Variants in CADM2 observed in about 807,000 individuals in gnomAD.
CADM2 encodes immunoglobulin superfamily member 4D.
CADM2 carries 12 observed loss-of-function variants against 49.8 expected under a neutral mutation model. The ratio of observed to expected loss-of-function variants is 0.24; its 90% CI spans 0.15 to 0.39. CADM2 has a LOEUF of 0.39. CADM2 is among the 10% of genes least tolerant of loss of function. The pLI is 1.00. For synonymous variants in CADM2, 214 were observed against 175.4 expected, an observed-to-expected ratio of 1.22 and a Z score of -1.74; for missense variants, 378 against 492.3, an observed-to-expected ratio of 0.77 and a Z score of 2.20.
chr3:85,883,175 GA>G (rs1265696202), intron 3 of CADM2, 115 bp from the exon 4 acceptor site: 7 of 743,378 alleles, frequency 9.4e-6, no homozygotes, highest in African/African-American at 7.1e-5. Flanking sequence ...CAAGAAATAA[GA>G]TTTGAATGTA....
rs534411469 is a variant in CADM2 at position 85,186,188 on chromosome 3, C to T, written c.61+226520C>T. 5.9e-5 allele frequency among the ~76,000 whole-genome samples: 9 copies of T among 152,202 alleles called. No homozygotes were observed. In the South Asian group the frequency reaches 6.2e-4, roughly 11 times the overall value. On this transcript the variant is annotated intron_variant, in intron 1 of 9. Coordinates refer to ENST00000383699, the MANE Select transcript of CADM2 (RefSeq NM_001167675.2). Reference sequence around the variant, plus strand: ...AGTAGATCCTTAAGTCCATTATGAACGTTATTTTCTTTTCTTGCCTTTCAG... The same window carrying T: ...AGTAGATCCTTAAGTCCATTATGAATGTTATTTTCTTTTCTTGCCTTTCAG...
intron 1 of CADM2, among the ~76,000 whole-genome samples, chr3:85,384,601 A>G (rs2034107541): frequency 6.6e-6 from 1 of 152,002 alleles, no homozygotes; most frequent in African/African-American, 2.4e-5. Context: ...GGCGTCAGCC[A>G]CCGCGCCCGC....
intron 8 of CADM2, among the ~76,000 whole-genome samples, chr3:86,061,069 G>A (rs929809530): frequency 9.3e-5 from 14 of 150,906 alleles, no homozygotes; most frequent in African/African-American, 3.4e-4. Context: ...TAAAAATTTT[G>A]TTTAAGCACA....
At chr3:85,170,468 A>G (rs931681180) in intron 1 of CADM2, among the ~76,000 whole-genome samples, 2 of 151,640 alleles carry the variant, frequency 1.3e-5, no homozygotes, top group Non-Finnish European at 2.9e-5. Context: ...TCTCCTGAGT[A>G]GCCAGGATTA....
At chr3:85,637,479 G>A (rs1287313255) in intron 1 of CADM2, among the ~76,000 whole-genome samples, 1 of 148,662 alleles carries the variant, frequency 6.7e-6, no homozygotes, top group Non-Finnish European at 1.5e-5. Flanking sequence ...GCGGGCGCCT[G>A]TAGTCCCAGC....
intron 1 of CADM2, among the ~76,000 whole-genome samples, chr3:85,659,001 A>G (rs1346330449): frequency 6.6e-6 from 1 of 150,984 alleles, no homozygotes; most frequent in Admixed American, 6.6e-5. Context: ...TCAGTGAACT[A>G]TAAATGCACC....
intron 1 of CADM2, among the ~76,000 whole-genome samples, chr3:84,998,424 A>G (rs1367192351): frequency 6.6e-6 from 1 of 152,168 alleles, no homozygotes; most frequent in Non-Finnish European, 1.5e-5. Context: ...TAATGCCTGA[A>G]GTACCCCTTT....
At chr3:85,778,559 T>G (rs2070472756) in intron 2 of CADM2, among the ~76,000 whole-genome samples, 1 of 152,226 alleles carries the variant, frequency 6.6e-6, no homozygotes, top group African/African-American at 2.4e-5. Flanking sequence ...TGCCACTCTG[T>G]GAAGAAGGTT....
At chr3:85,502,077 G>T (rs1339351605) in intron 1 of CADM2, among the ~76,000 whole-genome samples, 2 of 152,038 alleles carry the variant, frequency 1.3e-5, no homozygotes, top group Non-Finnish European at 2.9e-5. Context: ...ATTCAATAAA[G>T]TACACATCAC....
intron 8 of CADM2, among the ~76,000 whole-genome samples, chr3:85,978,921 T>C (rs1727126531): frequency 6.6e-6 from 1 of 150,750 alleles, no homozygotes; most frequent in South Asian, 2.1e-4. Context: ...CATTTTACTC[T>C]AAATATTGAA....
chr3:85,324,047 T>A (rs1465316551), intron 1 of CADM2, among the ~76,000 whole-genome samples: 1 of 152,196 alleles, frequency 6.6e-6, no homozygotes, highest in African/African-American at 2.4e-5. Context: ...AATATATCTG[T>A]ATTTATATTT....
At chr3:84,975,361 A>G (rs1295841398) in intron 1 of CADM2, among the ~76,000 whole-genome samples, 3 of 151,864 alleles carry the variant, frequency 2.0e-5, no homozygotes, top group Non-Finnish European at 4.4e-5. Flanking sequence ...AAGGCAAATA[A>G]GAGAAAACTT....
At position 84,990,739 on chromosome 3, in the gene CADM2, C is replaced by T. The variant is rs72917441; in HGVS notation, c.61+31071C>T. ...GATAACTGGGCATAGTCTAACATTC[C>T]TTAAATAGTTTCCAACCAGTATCAC... On this transcript the variant is annotated intron_variant, in intron 1 of 9. Coordinates refer to ENST00000383699, the MANE Select transcript of CADM2 (RefSeq NM_001167675.2). Among the ~76,000 whole-genome samples, 1,234 of 152,064 alleles carry T rather than the reference C, an allele frequency of 8.1e-3. 12 individuals carry two copies. Among genetic ancestry groups the T allele is most frequent in the African/African-American group, 0.028 (1,158 of 41,498 alleles).
chr3:85,578,942 G>T (rs1280859818), intron 1 of CADM2, among the ~76,000 whole-genome samples: 1 of 152,152 alleles, frequency 6.6e-6, no homozygotes, highest in Non-Finnish European at 1.5e-5. Context: ...AGTGTGAAAT[G>T]TTTCAAATTA....
At chr3:84,989,068 C>G (rs1575982707) in intron 1 of CADM2, among the ~76,000 whole-genome samples, 1 of 152,094 alleles carries the variant, frequency 6.6e-6, no homozygotes, top group Non-Finnish European at 1.5e-5. Context: ...CCATTTCTGC[C>G]TTTGCTTCCT....
At chr3:85,485,070 G>C (rs936677154) in intron 1 of CADM2, among the ~76,000 whole-genome samples, 1 of 151,614 alleles carries the variant, frequency 6.6e-6, no homozygotes, top group Non-Finnish European at 1.5e-5. Flanking sequence ...GACAATAAAA[G>C]GTGCAAAATG....
intron 1 of CADM2, among the ~76,000 whole-genome samples, chr3:85,552,529 C>T (rs1310256080): frequency 2.7e-5 from 4 of 148,324 alleles, no homozygotes; most frequent in Admixed American, 6.7e-5. Flanking sequence ...TACAGGCGCC[C>T]GCCACCATGC....
At chr3:85,307,052 T>G (rs2044230125) in intron 1 of CADM2, among the ~76,000 whole-genome samples, 1 of 151,632 alleles carries the variant, frequency 6.6e-6, no homozygotes, top group Non-Finnish European at 1.5e-5. Context: ...TGTGTGCGTG[T>G]TTTTAGTTCT....
At chr3:85,102,906 T>G (rs1381733992) in intron 1 of CADM2, among the ~76,000 whole-genome samples, 1 of 152,122 alleles carries the variant, frequency 6.6e-6, no homozygotes, top group African/African-American at 2.4e-5. Context: ...AATCAAGACT[T>G]TGTTCACAGG....
Sources: allele counts gnomAD v4.1 joint callset (sites outside exome capture counted in the v4.1 genomes callset), GRCh38; gene constraint gnomAD v4.1.1; transcripts MANE v1.5; gene names NCBI Gene and HGNC (gene_info 2026-07-23, HGNC 2026-07-21).